Variants in UTRN observed in about 807,000 individuals in gnomAD.
UTRN encodes the protein dystrophin-related protein 1.
Under a neutral mutation model 463.9 loss-of-function variants are expected in UTRN, and 283 were observed. That is an observed-to-expected ratio of 0.61 (90% confidence interval 0.55 to 0.67). The LOEUF (loss-of-function observed/expected upper bound fraction) is 0.67. Ranked by LOEUF, UTRN falls within the 30% of genes least tolerant of loss-of-function variation. The pLI is 0.00. For missense variants in UTRN, 3,922 were observed against 4,084.3 expected, an observed-to-expected ratio of 0.96 and a Z score of 1.08; for synonymous variants, 1,442 against 1,431.5, an observed-to-expected ratio of 1.01 and a Z score of -0.17.
At chr6:144,507,604 GC>G (rs1273177897) in intron 34 of UTRN, among the ~76,000 whole-genome samples, 1 of 152,158 alleles carries the variant, frequency 6.6e-6, no homozygotes, top group East Asian at 1.9e-4. Flanking sequence ...CTGCAGAATA[GC>G]AAAGATTGCT....
intron 2 of UTRN, among the ~76,000 whole-genome samples, chr6:144,342,178 AAAT>A (rs1159261383): frequency 6.6e-6 from 1 of 152,262 alleles, no homozygotes; most frequent in Non-Finnish European, 1.5e-5. Flanking sequence ...TAAAAAAGAC[AAAT>A]AATAACAAAT....
chr6:144,534,079 A>G (rs1358965540), intron 43 of UTRN, among the ~76,000 whole-genome samples: 2 of 152,206 alleles, frequency 1.3e-5, no homozygotes, highest in East Asian at 1.9e-4. Flanking sequence ...AGGCCAATCT[A>G]ATACTTTATC....
At chr6:144,346,925 C>CTA (rs1320222295) in intron 2 of UTRN, among the ~76,000 whole-genome samples, 17 of 150,006 alleles carry the variant, frequency 1.1e-4, no homozygotes, top group Admixed American at 5.9e-4. Flanking sequence ...ATCTATCGAT[C>CTA]TCTATCTTTA....
chr6:144,829,931 G>A (rs1780526629), intron 69 of UTRN, among the ~76,000 whole-genome samples: 2 of 152,074 alleles, frequency 1.3e-5, no homozygotes, highest in South Asian at 4.1e-4. Flanking sequence ...CTATGAGTGT[G>A]AAACAATTCC....
chr6:144,478,218 T>C (rs1216410300), intron 25 of UTRN, among the ~76,000 whole-genome samples: 2 of 152,196 alleles, frequency 1.3e-5, no homozygotes, highest in Non-Finnish European at 1.5e-5. Context: ...AAAAGGAACA[T>C]TTTAATGCCA....
chr6:144,441,389 A>G (rs1388830664), intron 13 of UTRN, among the ~76,000 whole-genome samples: 3 of 152,242 alleles, frequency 2.0e-5, no homozygotes, highest in Non-Finnish European at 2.9e-5. Context: ...TCCCCATTCA[A>G]GTATGGAATA....
rs759322634 is a variant in UTRN, at chr6:144,798,003, A to G, written c.9245+13A>G. ...TTGTCGGGTTCAGGTAAGGCGTGCCAGTGCTGGAGGAGGCTATTTTCTGTT... is the reference window on the plus strand; with the variant it reads ...TTGTCGGGTTCAGGTAAGGCGTGCCGGTGCTGGAGGAGGCTATTTTCTGTT... On this transcript the variant is annotated intron_variant, in intron 64 of 74. Coordinates refer to ENST00000367545, the MANE Select transcript of UTRN (RefSeq NM_007124.3). The G allele has an allele frequency of 7.4e-6, 12 of 1,613,946 alleles. No homozygotes were observed. The highest frequency in any genetic ancestry group is 1.7e-6 in the Non-Finnish European group (2 of 1,179,932).
intron 61 of UTRN, among the ~76,000 whole-genome samples, chr6:144,783,671 T>G (rs1343581779): frequency 2.0e-5 from 3 of 152,356 alleles, no homozygotes; most frequent in African/African-American, 7.2e-5. Flanking sequence ...ACACTAGAAC[T>G]TATTCCCCCT....
In UTRN at chr6:144,356,392, A is replaced by T. The variant is rs73780538; in HGVS notation, c.80-46731A>T. ...TAAAAATGTCTCCAGATATTGCCAG[A>T]TGTCTCGTAGGTGGCAAAATCACTT... On this transcript the variant is annotated intron_variant, in intron 2 of 74. Coordinates refer to ENST00000367545, the MANE Select transcript of UTRN (RefSeq NM_007124.3). Among the ~76,000 whole-genome samples the T allele has an allele frequency of 5.6e-3, 859 of 152,312 alleles. 13 individuals are homozygous for T. The highest frequency in any genetic ancestry group is 0.02 in the African/African-American group (835 of 41,550).
rs759900044 is a variant in UTRN at position 144,523,175 on chromosome 6, A to G, written c.5893A>G (p.Ser1965Gly). The part of the protein sequence containing the change: ...AKWDRINRMY[S>G]DRKGCFDRAM... ...ATGGGACAGAATTAATAGAATGTACAGTGATCGGAAAGGGTATGTGTAAAT... is the reference window on the plus strand; with the variant it reads ...ATGGGACAGAATTAATAGAATGTACGGTGATCGGAAAGGGTATGTGTAAAT... The change falls in exon 41 of 75, where the codon AGT becomes GGT. Residue 1965 changes from serine (S) to glycine (G), a missense_variant. Physicochemically the swap from Ser to Gly is moderately conservative, Grantham distance 56. This residue lies in a region of UTRN where 2,349 missense variants were observed against 2,303.8 expected (regional missense o/e 1.02). Transcript: ENST00000367545. The G allele has an allele frequency of 3.1e-6, 5 of 1,599,208 alleles. No individual in the cohort carries two copies. The highest frequency in any genetic ancestry group is 4.3e-6 in the Non-Finnish European group (5 of 1,174,628).
intron 51 of UTRN, among the ~76,000 whole-genome samples, chr6:144,636,940 A>C (rs1164836326): frequency 6.6e-6 from 1 of 152,002 alleles, no homozygotes; most frequent in African/African-American, 2.4e-5. Flanking sequence ...GAGGTGGTTG[A>C]AATCGTGCTT....
intron 51 of UTRN, among the ~76,000 whole-genome samples, chr6:144,614,300 G>A (rs1805838054): frequency 6.6e-6 from 1 of 152,078 alleles, no homozygotes; most frequent in Admixed American, 6.6e-5. Flanking sequence ...AAAAGATCCA[G>A]CTGATTCTAG....
At chr6:144,389,574 C>T (rs1246456385) in intron 2 of UTRN, among the ~76,000 whole-genome samples, 1 of 151,886 alleles carries the variant, frequency 6.6e-6, no homozygotes, top group Non-Finnish European at 1.5e-5. Flanking sequence ...GAAGTTTTTG[C>T]ACATCCCTTT....
Position 144,577,219 on chromosome 6 carries a change from G to A in UTRN, c.7410G>A (p.Val2470=), listed in dbSNP as rs751157769. 6.2e-7 allele frequency: 1 copy of A among 1,613,948 alleles called. No homozygotes were observed. The highest frequency in any genetic ancestry group is 1.1e-5 in the South Asian group (1 of 91,078). ...CAGAGACCACAGTGAATGTGCTTGT[G>A]GATGCCTCTCATCGGGAGAATGCTC... ...QEAETTVNVL[V]DASHRENALQ... The change falls in exon 51 of 75, where the codon GTG becomes GTA. Residue 2470 remains valine (V), a synonymous_variant. Coordinates refer to ENST00000367545, the MANE Select transcript of UTRN (RefSeq NM_007124.3).
chr6:144,347,105 GAAACC>G (rs1777652774), intron 2 of UTRN, among the ~76,000 whole-genome samples: 1 of 152,204 alleles, frequency 6.6e-6, no homozygotes, highest in East Asian at 1.9e-4. Context: ...CACTGCTCAG[GAAACC>G]ACTCCTGGGA....
chr6:144,502,027 T>C (rs1794233841), intron 34 of UTRN, among the ~76,000 whole-genome samples: 1 of 152,160 alleles, frequency 6.6e-6, no homozygotes, highest in South Asian at 2.1e-4. Context: ...GTTCTGATTA[T>C]CAATGCTTAG....
At chr6:144,442,999 G>A (rs941690849) in intron 13 of UTRN, among the ~76,000 whole-genome samples, 8 of 152,126 alleles carry the variant, frequency 5.3e-5, no homozygotes, top group Non-Finnish European at 1.2e-4. Flanking sequence ...TCACCTAGTA[G>A]GATTCAATAT....
At chr6:144,756,196 C>T (rs1463099094) in intron 57 of UTRN, among the ~76,000 whole-genome samples, 3 of 152,058 alleles carry the variant, frequency 2.0e-5, no homozygotes, top group Non-Finnish European at 4.4e-5. Context: ...CTCAGTTTTT[C>T]AAAATGTAAA....
At chr6:144,518,194 T>A (rs1282140829) in intron 39 of UTRN, among the ~76,000 whole-genome samples, 1 of 152,246 alleles carries the variant, frequency 6.6e-6, no homozygotes, top group Admixed American at 6.5e-5. Context: ...TATTCTTATG[T>A]CTGTTTTTTC....
Sources: allele counts gnomAD v4.1 joint callset (sites outside exome capture counted in the v4.1 genomes callset), GRCh38; gene constraint gnomAD v4.1.1; regional missense constraint gnomAD v4.1.1; transcripts MANE v1.5; gene names NCBI Gene and HGNC (gene_info 2026-07-23, HGNC 2026-07-21).